Variants in STPG2 observed in about 807,000 individuals in gnomAD.
The protein encoded by STPG2 is sperm tail PG-rich repeat containing 2, also known as sperm-tail PG-rich repeat-containing protein 2.
Under a neutral mutation model 54.2 loss-of-function variants are expected in STPG2, and 56 were observed. The ratio of observed to expected loss-of-function variants is 1.03; its 90% confidence interval spans 0.83 to 1.29. STPG2 has a LOEUF of 1.29. STPG2 is among the 50% of genes most tolerant of loss of function. The pLI is 0.00. For synonymous variants in STPG2, 200 were observed against 181.8 expected (o/e 1.10, Z -0.81); for missense variants, 596 against 544.9 (o/e 1.09, Z -0.93).
intron 9 of STPG2, among the ~76,000 whole-genome samples, chr4:97,814,037 T>C (rs1727832598): frequency 6.6e-6 from 1 of 152,124 alleles, no homozygotes; most frequent in South Asian, 2.1e-4. Context: ...CACCATTAAA[T>C]TATTACAATG....
intron 10 of STPG2, among the ~76,000 whole-genome samples, chr4:97,619,925 G>A (rs945674831): frequency 3.3e-5 from 5 of 150,588 alleles, no homozygotes; most frequent in Admixed American, 1.3e-4. Context: ...CCGGGTTCAC[G>A]CCATTCTCCT....
chr4:97,764,899 C>A (rs1725992941), intron 9 of STPG2, among the ~76,000 whole-genome samples: 1 of 151,944 alleles, frequency 6.6e-6, no homozygotes, highest in Non-Finnish European at 1.5e-5. Context: ...ATAGCTGAAT[C>A]CAGAAAAAGG....
chr4:97,615,398 G>T (rs1169834713), intron 10 of STPG2, among the ~76,000 whole-genome samples: 1 of 151,902 alleles, frequency 6.6e-6, no homozygotes, highest in Non-Finnish European at 1.5e-5. Flanking sequence ...TGGCATTTTT[G>T]ATATAATAAA....
At chr4:97,690,667 C>A (rs144326199) in intron 10 of STPG2, among the ~76,000 whole-genome samples, 3 of 152,022 alleles carry the variant, frequency 2.0e-5, no homozygotes, top group South Asian at 2.1e-4. Context: ...TTTAAGCAAC[C>A]CTGGTTGAAT....
chr4:98,101,241 G>C (rs1401169416), intron 5 of STPG2, among the ~76,000 whole-genome samples: 1 of 152,110 alleles, frequency 6.6e-6, no homozygotes, highest in East Asian at 1.9e-4. Context: ...TACAGAATAA[G>C]AGACAATTTC....
intron 4 of STPG2, among the ~76,000 whole-genome samples, chr4:97,551,226 T>A (rs781562561): frequency 6.6e-6 from 1 of 151,856 alleles, no homozygotes; most frequent in African/African-American, 2.4e-5. Context: ...GTTCTCCAAG[T>A]CCCCACCTGA....
intron 4 of STPG2, among the ~76,000 whole-genome samples, chr4:97,544,372 A>G (rs1008510961): frequency 6.6e-6 from 1 of 152,034 alleles, no homozygotes; most frequent in Non-Finnish European, 1.5e-5. Context: ...GAAATTTAGG[A>G]TAAATGGATT....
chr4:97,646,963 C>A (rs1253841284), intron 10 of STPG2, among the ~76,000 whole-genome samples: 1 of 152,100 alleles, frequency 6.6e-6, no homozygotes, highest in African/African-American at 2.4e-5. Flanking sequence ...CAGAGAATTT[C>A]TCTTCAGATC....
intron 10 of STPG2, among the ~76,000 whole-genome samples, chr4:97,612,998 TA>T (rs1733768385): frequency 6.6e-6 from 1 of 152,084 alleles, no homozygotes; most frequent in African/African-American, 2.4e-5. Flanking sequence ...TAAATTCACA[TA>T]AAAATTGCAA....
chr4:97,687,786 T>C (rs1486510462), intron 10 of STPG2, among the ~76,000 whole-genome samples: 1 of 152,142 alleles, frequency 6.6e-6, no homozygotes, highest in Non-Finnish European at 1.5e-5. Context: ...TTATAATTTA[T>C]ATATAACATA....
chr4:97,823,488 A>G (rs1167109143), intron 9 of STPG2, among the ~76,000 whole-genome samples: 1 of 152,230 alleles, frequency 6.6e-6, no homozygotes, highest in Non-Finnish European at 1.5e-5. Context: ...TTAGAAAAAG[A>G]TTCCTTTTCA....
chr4:97,760,264 A>T (rs1396591726), intron 9 of STPG2, among the ~76,000 whole-genome samples: 1 of 152,152 alleles, frequency 6.6e-6, no homozygotes, highest in African/African-American at 2.4e-5. Flanking sequence ...TGTGGTTTAG[A>T]TTTTACATAT....
At chr4:97,469,265 C>A (rs572444284) in intron 4 of STPG2, among the ~76,000 whole-genome samples, 1 of 152,002 alleles carries the variant, frequency 6.6e-6, no homozygotes, top group South Asian at 2.1e-4. Flanking sequence ...CATGTTAATA[C>A]ATTAAAGAAC....
At chr4:98,088,298 A>G (rs1738586493) in intron 5 of STPG2, among the ~76,000 whole-genome samples, 1 of 152,198 alleles carries the variant, frequency 6.6e-6, no homozygotes, top group African/African-American at 2.4e-5. Context: ...CACTCAATAT[A>G]GCCCTATATT....
chr4:97,751,062 G>C (rs1251163899), intron 9 of STPG2, among the ~76,000 whole-genome samples: 1 of 151,764 alleles, frequency 6.6e-6, no homozygotes, highest in Non-Finnish European at 1.5e-5. Flanking sequence ...ACATTCCCAA[G>C]AAAGACCTAT....
At chr4:97,709,614 C>T (rs1438619394) in intron 10 of STPG2, among the ~76,000 whole-genome samples, 1 of 151,468 alleles carries the variant, frequency 6.6e-6, no homozygotes, top group Non-Finnish European at 1.5e-5. Flanking sequence ...ATTGAAGTTT[C>T]TTCTATTTAG....
At chr4:97,841,787 C>T (rs1014419748) in intron 8 of STPG2, among the ~76,000 whole-genome samples, 1 of 151,652 alleles carries the variant, frequency 6.6e-6, no homozygotes, top group Non-Finnish European at 1.5e-5. Flanking sequence ...CCTCTGTGTT[C>T]CTGAGTTTTT....
chr4:97,972,425 T>C lies in STPG2; in HGVS notation c.788A>G (p.Asn263Ser). The change falls in exon 7 of 11, where the codon AAT (asparagine) becomes AGT (serine). Residue 263 changes from asparagine to serine, a missense_variant. Asn to Ser is a conservative substitution (Grantham distance 46). Coordinates refer to ENST00000295268, the MANE Select transcript of STPG2 (RefSeq NM_174952.3). Reference protein sequence around the residue: ...TEEMPGPGFYNVLNNTIIASV... With the variant: ...TEEMPGPGFYSVLNNTIIASV... ...GGCAATTATAGTATTGTTCAAGACA[T>C]TATAAAATCCAGGACCTAAAATTAT... The C allele has an allele frequency of 1.9e-6, 3 of 1,550,258 alleles. No individual in the cohort carries two copies. The highest frequency in any genetic ancestry group is 2.6e-6 in the Non-Finnish European group (3 of 1,146,672).
intron 5 of STPG2, among the ~76,000 whole-genome samples, chr4:98,091,354 C>T (rs752943081): frequency 6.6e-5 from 10 of 151,996 alleles, no homozygotes; most frequent in Non-Finnish European, 1.3e-4. Context: ...TGTTTACCGG[C>T]CCAAAATCTC....
Sources: gnomAD v4.1 joint callset for allele counts (sites outside exome capture counted in the v4.1 genomes callset) on GRCh38, gnomAD v4.1.1 for gene constraint, MANE v1.5 for transcripts, NCBI Gene and HGNC (gene_info 2026-07-23, HGNC 2026-07-21) for gene names.